Variants in FBP1 observed in about 807,000 individuals in gnomAD.
FBP1 encodes fructose-bisphosphatase 1, also known as fructose-1,6-bisphosphatase 1.
A neutral mutation model predicts 29.9 loss-of-function variants in FBP1; 22 were observed. The ratio of observed to expected loss-of-function variants is 0.74; its 90% confidence interval spans 0.53 to 1.05. The LOEUF (loss-of-function observed/expected upper bound fraction) is 1.05, where lower values mean the gene tolerates loss of function less well. FBP1 is among the 50% of genes least tolerant of loss of function. The probability of loss-of-function intolerance (pLI) is 0.00; values close to 1 mark genes in which losing one functional copy is unlikely to be tolerated. For synonymous variants in FBP1, 175 were observed against 178.6 expected (o/e 0.98, Z 0.16); for missense variants, 345 against 448.2 (o/e 0.77, Z 2.08).
chr9:94,631,868 G>A (rs1309409627), intron 1 of FBP1, among the ~76,000 whole-genome samples: 1 of 152,112 alleles, frequency 6.6e-6, no homozygotes, highest in South Asian at 2.1e-4. Flanking sequence ...GAAATACATT[G>A]AAGAGGTGCT....
At chr9:94,628,657 G>A (rs999777826) in intron 1 of FBP1, among the ~76,000 whole-genome samples, 2 of 152,144 alleles carry the variant, frequency 1.3e-5, no homozygotes, top group African/African-American at 4.8e-5. Flanking sequence ...AGCCCCAGCC[G>A]AATCAGGGCA....
Position 94,626,851 on chromosome 9 carries a change from C to T in FBP1, c.171-6360G>A, listed in dbSNP as rs902333050. Among the ~76,000 whole-genome samples, 8 of 152,020 alleles carry T rather than the reference C, an allele frequency of 5.3e-5. No homozygotes were observed. The East Asian group carries it at 5.8e-4, about 11-fold the overall frequency. On this transcript the variant is annotated intron_variant, in intron 1 of 6. Coordinates refer to ENST00000375326, the MANE Select transcript of FBP1 (RefSeq NM_000507.4). ...GCGGATTACCTGAGGTTCAGGATTT[C>T]GAGACCAGCCTGGCCAACATGGTGA... is the stretch of plus-strand genomic sequence containing the variant.
chr9:94,613,348 A>C (rs745663590), intron 3 of FBP1, among the ~76,000 whole-genome samples: 20 of 152,172 alleles, frequency 1.3e-4, no homozygotes, highest in Non-Finnish European at 2.2e-4. Flanking sequence ...AAAGAATCTT[A>C]TTTTCTTATG....
At chr9:94,611,190 C>A (rs551668152) in intron 3 of FBP1, among the ~76,000 whole-genome samples, 3 of 152,282 alleles carry the variant, frequency 2.0e-5, no homozygotes, top group East Asian at 3.9e-4. Context: ...ACTGGATTGA[C>A]CTCTTTGGTC....
At chr9:94,625,028 G>A (rs942567030) in intron 1 of FBP1, among the ~76,000 whole-genome samples, 4 of 151,980 alleles carry the variant, frequency 2.6e-5, no homozygotes, top group East Asian at 2.0e-4. Flanking sequence ...CAGGGGCACC[G>A]TGACTTGTTT....
intron 1 of FBP1, among the ~76,000 whole-genome samples, chr9:94,635,915 T>C (rs575113313): frequency 2.0e-5 from 3 of 152,324 alleles, no homozygotes; most frequent in South Asian, 4.1e-4. Context: ...TAATGTTAAA[T>C]AACAAAGCAA....
chr9:94,621,398 A>AAAAAATATATATATAT (rs58726402), intron 1 of FBP1, among the ~76,000 whole-genome samples: 4 of 146,158 alleles, frequency 2.7e-5, no homozygotes, highest in African/African-American at 1.1e-4. Flanking sequence ...TCCGTCTAAA[A>AAAAAATATATATATAT]ATATATATAT....
intron 3 of FBP1, among the ~76,000 whole-genome samples, chr9:94,611,321 G>A (rs755411553): frequency 4.6e-5 from 7 of 152,178 alleles, no homozygotes; most frequent in East Asian, 3.9e-4. Context: ...GCAGCTGAGC[G>A]TAAGCAGGGG....
chr9:94,604,987 G>C (rs915469041), intron 6 of FBP1, among the ~76,000 whole-genome samples: 1 of 152,192 alleles, frequency 6.6e-6, no homozygotes, highest in South Asian at 2.1e-4. Flanking sequence ...TTTCCCCAGA[G>C]ATTCTTTCCT....
chr9:94,612,549 A>ATTTTTTTTTTTTTTTTTTTTTTT (rs561246840), intron 3 of FBP1, among the ~76,000 whole-genome samples: 1 of 108,028 alleles, frequency 9.3e-6, no homozygotes, highest in Non-Finnish European at 1.8e-5. Context: ...CCAGCCCCCA[A>ATTTTTTTTTTTTTTTTTTTTTTT]TTTTTTTTTT....
chr9:94,634,862 C>T (rs1431684877), intron 1 of FBP1, among the ~76,000 whole-genome samples: 2 of 151,980 alleles, frequency 1.3e-5, no homozygotes, highest in South Asian at 2.1e-4. Context: ...TTTGGGAGGC[C>T]GAGGCAGGTG....
intron 5 of FBP1, 81 bp downstream of exon 5, chr9:94,606,734 C>T (rs78490231): frequency 3.3e-5 from 47 of 1,429,552 alleles, no homozygotes; most frequent in African/African-American, 2.7e-4. Flanking sequence ...CTTTCATCTC[C>T]GGGGGATGCC....
chr9:94,628,816 A>C (rs1200734934), intron 1 of FBP1, among the ~76,000 whole-genome samples: 1 of 152,230 alleles, frequency 6.6e-6, no homozygotes, highest in African/African-American at 2.4e-5. Context: ...GTTGAAGCTG[A>C]GATTTTCTTG....
At chr9:94,616,419 C>T (rs903023095) in intron 3 of FBP1, among the ~76,000 whole-genome samples, 1 of 79,392 alleles carries the variant, frequency 1.3e-5, no homozygotes, top group African/African-American at 5.4e-5. Context: ...TTGTACCCCC[C>T]AAAGCTGTTA....
chr9:94,625,091 C>T (rs896184324), intron 1 of FBP1, among the ~76,000 whole-genome samples: 2 of 112,116 alleles, frequency 1.8e-5, no homozygotes, highest in Non-Finnish European at 2.2e-5. Context: ...CTGCATTTTC[C>T]GAGCTTGCAG....
chr9:94,638,523 G>A (rs1049622136), intron 1 of FBP1, among the ~76,000 whole-genome samples: 1 of 152,112 alleles, frequency 6.6e-6, no homozygotes, highest in African/African-American at 2.4e-5. Context: ...GGCACAGCAT[G>A]GCAACTGTCC....
Position 94,639,450 on chromosome 9 carries a change from CT to C in FBP1, c.-141del. 1.0e-6 allele frequency: 1 copy of C among 979,882 alleles called. No individual in the cohort carries two copies. Among genetic ancestry groups the C allele is most frequent in the South Asian group, 1.4e-5 (1 of 70,680 alleles). 60.7% of individuals were successfully genotyped at this position (979,882 alleles called of 1,614,324 possible). ...GGGCGGCAGGTGCGGGCCGCGGGAC[CT>C]GGCGGGAGGACTGACAGACCGACTG... On this transcript the variant is annotated 5_prime_UTR_variant, in exon 1 of 7. Transcript: ENST00000375326.
intron 1 of FBP1, among the ~76,000 whole-genome samples, chr9:94,621,213 CAAAAAAAAAAAAAAAAA>C (rs57221045): frequency 2.3e-5 from 1 of 43,984 alleles, no homozygotes; most frequent in African/African-American, 9.4e-5. Context: ...GACTCCGTCT[CAAAAAAAAAAAAAAAAA>C]AAAAAAATAC....
intron 1 of FBP1, among the ~76,000 whole-genome samples, chr9:94,628,381 C>CAA (rs11394817): frequency 0.018 from 2,453 of 135,702 alleles, 37 homozygotes; most frequent in Non-Finnish European, 0.024. Context: ...GACTCTGTCT[C>CAA]AAAAAAAAAA....
Sources: gnomAD v4.1 joint callset for allele counts (sites outside exome capture counted in the v4.1 genomes callset) on GRCh38, gnomAD v4.1.1 for gene constraint, MANE v1.5 for transcripts, NCBI Gene and HGNC (gene_info 2026-07-23, HGNC 2026-07-21) for gene names.